The following ZNF385D variants were observed in gnomAD, a reference collection of about 807,000 sequenced individuals.
ZNF385D encodes zinc finger protein 385D.
A neutral mutation model predicts 35.8 loss-of-function variants in ZNF385D; 15 were observed. The ratio of observed to expected loss-of-function variants is 0.42; its 90% confidence interval spans 0.28 to 0.64. The LOEUF (loss-of-function observed/expected upper bound fraction) is 0.64. ZNF385D is among the 30% of genes least tolerant of loss of function. The pLI, the probability that ZNF385D is intolerant of heterozygous loss-of-function variation, is 0.23. For synonymous variants in ZNF385D, 212 were observed against 186.8 expected (o/e 1.13, Z -1.10); for missense variants, 474 against 494.6 (o/e 0.96, Z 0.39).
chr3:22,131,259 G>A (rs1703765523), intron 3 of ZNF385D, among the ~76,000 whole-genome samples: 1 of 152,096 alleles, frequency 6.6e-6, no homozygotes. Context: ...AGTCCGGTAA[G>A]ATGAGGACTG....
At chr3:21,757,160 C>T (rs1236799020) in intron 3 of ZNF385D, among the ~76,000 whole-genome samples, 1 of 108,748 alleles carries the variant, frequency 9.2e-6, no homozygotes, top group Admixed American at 1.3e-4. Context: ...GATGGTGTCT[C>T]ACTCTCTCAC....
Position 22,238,459 on chromosome 3 carries a change from C to T in ZNF385D, c.107-69424G>A, listed in dbSNP as rs1050851054. Among the ~76,000 whole-genome samples, 4 of 150,692 alleles carry T rather than the reference C, an allele frequency of 2.7e-5. 1 individual carries two copies. The highest frequency in any genetic ancestry group is 9.8e-5 in the African/African-American group (4 of 40,688). On this transcript the variant is annotated intron_variant, in intron 2 of 5. Coordinates refer to the ZNF385D transcript ENST00000494108. ...AGTCTACAAATATGAAATGCCGTTC[C>T]ACTTACTTAGGATTTTTTTCAACTT...
chr3:21,422,359 T>A (rs1212384289), intron 7 of ZNF385D, among the ~76,000 whole-genome samples: 1 of 152,218 alleles, frequency 6.6e-6, no homozygotes, highest in Non-Finnish European at 1.5e-5. Context: ...GTAACTTTAC[T>A]TTTTTAAACT....
chr3:22,075,471 G>A (rs1178071517), intron 3 of ZNF385D, among the ~76,000 whole-genome samples: 8 of 151,728 alleles, frequency 5.3e-5, no homozygotes, highest in Non-Finnish European at 1.0e-4. Flanking sequence ...ATGATTCTCT[G>A]CCCTCATCAT....
rs554928423 is a variant in ZNF385D at position 22,115,209 on chromosome 3, G to C, written c.325+53608C>G. Among the ~76,000 whole-genome samples the C allele has an allele frequency of 2.0e-5, 3 of 152,176 alleles. No individual in the cohort carries two copies. In the East Asian group the frequency reaches 5.8e-4, roughly 29 times the overall value. On this transcript the variant is annotated intron_variant, in intron 3 of 5. Transcript: ENST00000494108. ...ATTGGTAGAAACTGATCACCGAGCA[G>C]ATTTGGTCAGGCCATGAGCAAAATT... is the stretch of plus-strand genomic sequence containing the variant.
chr3:21,562,339 T>C (rs2062980544), intron 3 of ZNF385D, among the ~76,000 whole-genome samples: 1 of 152,122 alleles, frequency 6.6e-6, no homozygotes, highest in African/African-American at 2.4e-5. Context: ...TGACAATATT[T>C]CTAAAGTGTC....
rs1226077118 is a variant in ZNF385D at position 21,574,932 on chromosome 3, A to T, written c.166-10248T>A. 2.0e-5 allele frequency among the ~76,000 whole-genome samples: 3 copies of T among 151,758 alleles called. No individual in the cohort carries two copies. In the East Asian group the frequency reaches 5.8e-4, roughly 29 times the overall value. On this transcript the variant is annotated intron_variant, in intron 2 of 7. Transcript: ENST00000281523. Reference sequence around the variant, plus strand: ...AACTCCTTGTTGTTTTCTTTTGGAGATCTAGGGATAGGACTAGGTAAGTGG... The same window carrying T: ...AACTCCTTGTTGTTTTCTTTTGGAGTTCTAGGGATAGGACTAGGTAAGTGG...
At position 21,838,346 on chromosome 3, in the gene ZNF385D, G is replaced by A. The variant is rs528914312; in HGVS notation, c.326-173318C>T. On this transcript the variant is annotated intron_variant, in intron 3 of 5. Transcript: ENST00000494108. ...CTGGGAGATAAGTATAGTTATGTAT[G>A]GTATATATGCTAAAAACAAAGGTGA... Among the ~76,000 whole-genome samples the A allele has an allele frequency of 1.8e-3, 270 of 152,142 alleles. 2 individuals are homozygous for A. The highest frequency in any genetic ancestry group is 6.3e-3 in the African/African-American group (262 of 41,514).
intron 2 of ZNF385D, among the ~76,000 whole-genome samples, chr3:22,361,465 C>A (rs141268324): frequency 6.6e-6 from 1 of 152,032 alleles, no homozygotes; most frequent in South Asian, 2.1e-4. Flanking sequence ...CTTCAGCATT[C>A]GCATAAAAGT....
At chr3:21,825,765 C>G (rs1188307872) in intron 3 of ZNF385D, among the ~76,000 whole-genome samples, 1 of 152,190 alleles carries the variant, frequency 6.6e-6, no homozygotes, top group Admixed American at 6.5e-5. Context: ...CCCACAAACG[C>G]TAGCCCAGGG....
At chr3:21,439,297 CAAAAAA>C (rs143786633) in intron 4 of ZNF385D, among the ~76,000 whole-genome samples, 8 of 89,318 alleles carry the variant, frequency 9.0e-5, no homozygotes, top group Non-Finnish European at 1.2e-4. Context: ...GATTTTGAGG[CAAAAAA>C]AAAAAAAAAA....
intron 2 of ZNF385D, among the ~76,000 whole-genome samples, chr3:22,341,866 G>A (rs1258768600): frequency 6.6e-6 from 1 of 152,136 alleles, no homozygotes; most frequent in African/African-American, 2.4e-5. Context: ...ATTAATGCCA[G>A]GCACATAGTA....
intron 3 of ZNF385D, among the ~76,000 whole-genome samples, chr3:22,030,649 T>G (rs1215186429): frequency 6.6e-6 from 1 of 152,034 alleles, no homozygotes; most frequent in Non-Finnish European, 1.5e-5. Context: ...GATTACAATT[T>G]GAGATGAGAT....
intron 3 of ZNF385D, among the ~76,000 whole-genome samples, chr3:22,081,852 C>A (rs1222999608): frequency 5.3e-5 from 8 of 152,134 alleles, no homozygotes; most frequent in Admixed American, 2.6e-4. Flanking sequence ...TATGAATTCA[C>A]TGAAATTCCT....
intron 2 of ZNF385D, among the ~76,000 whole-genome samples, chr3:22,372,236 A>G (rs934107896): frequency 4.0e-5 from 6 of 151,806 alleles, no homozygotes; most frequent in Non-Finnish European, 7.4e-5. Context: ...TCTCCTTGGC[A>G]CCGAGAAGAG....
chr3:22,277,132 C>T (rs1343419417), intron 2 of ZNF385D, among the ~76,000 whole-genome samples: 2 of 152,030 alleles, frequency 1.3e-5, no homozygotes, highest in Non-Finnish European at 2.9e-5. Flanking sequence ...CTAAAACTAA[C>T]TTAATAACTC....
At chr3:21,608,452 C>G (rs1230630733) in intron 2 of ZNF385D, among the ~76,000 whole-genome samples, 1 of 152,128 alleles carries the variant, frequency 6.6e-6, no homozygotes, top group Non-Finnish European at 1.5e-5. Context: ...AATATGAACT[C>G]TGTATTTAGA....
chr3:22,029,910 G>A (rs1240242331), intron 3 of ZNF385D, among the ~76,000 whole-genome samples: 1 of 152,022 alleles, frequency 6.6e-6, no homozygotes, highest in South Asian at 2.1e-4. Flanking sequence ...TGGATTGAAC[G>A]ATATACAAAG....
At chr3:21,922,660 T>G (rs1387346681) in intron 3 of ZNF385D, among the ~76,000 whole-genome samples, 1 of 152,140 alleles carries the variant, frequency 6.6e-6, no homozygotes, top group Admixed American at 6.6e-5. Context: ...AAGATTTAAA[T>G]GTAAGACCTC....
Sources: allele counts gnomAD v4.1 joint callset (sites outside exome capture counted in the v4.1 genomes callset), GRCh38; gene constraint gnomAD v4.1.1; transcripts MANE v1.5; gene names NCBI Gene and HGNC (gene_info 2026-07-23, HGNC 2026-07-21).